The following PPM1K variants were observed in gnomAD, a reference collection of about 807,000 sequenced individuals.
PPM1K encodes protein phosphatase, Mg2+/Mn2+ dependent 1K.
Under a neutral mutation model 32.6 loss-of-function variants are expected in PPM1K, and 19 were observed. The ratio of observed to expected loss-of-function variants is 0.58; its 90% CI spans 0.41 to 0.86. PPM1K has a LOEUF of 0.86. PPM1K is among the 40% of genes least tolerant of loss of function. The pLI is 0.00. For synonymous variants in PPM1K, 159 were observed against 165.3 expected (o/e 0.96, Z 0.29); for missense variants, 362 against 461.2 (o/e 0.78, Z 1.97).
chr4:88,274,776 A>G, intron 3 of PPM1K: 1 of 152,850 alleles, frequency 6.5e-6, no homozygotes, highest in East Asian at 1.9e-4. Flanking sequence ...ATGGCATTCT[A>G]TCTTTAGTGG....
In PPM1K at chr4:88,278,712, CAGAGAG is replaced by C; in HGVS notation, c.-59-76_-59-71del. On this transcript the variant is annotated intron_variant, in intron 1 of 6. Coordinates refer to ENST00000608933, the MANE Select transcript of PPM1K (RefSeq NM_152542.5). The surrounding 1 kb of genome is among the most constrained non-coding windows in gnomAD (Gnocchi z 4.2). ...GGGCAGAGGAGGAGAGGGAGAGAGA[CAGAGAG>C]AGAGAGACCATCAGAAATTTTGAAT... 1.4e-6 allele frequency: 1 copy of C among 692,518 alleles called. No individual in the cohort carries two copies. 42.9% of individuals were successfully genotyped at this position (692,518 alleles called of 1,614,324 possible).
intron 1 of PPM1K, among the ~76,000 whole-genome samples, chr4:88,282,037 G>A (rs192357224): frequency 1.6e-3 from 245 of 152,046 alleles, no homozygotes; most frequent in African/African-American, 5.6e-3. Flanking sequence ...AACACCTAAG[G>A]ATTGTCTTTT....
rs1731040562 is a variant in PPM1K, at chr4:88,259,417, C to T, written c.*3178G>A. 1 of 152,042 alleles carries T rather than the reference C, an allele frequency of 6.6e-6. No individual in the cohort carries two copies. Among genetic ancestry groups the T allele is most frequent in the Non-Finnish European group, 1.5e-5 (1 of 68,002 alleles). 9.4% of individuals were successfully genotyped at this position (152,042 alleles called of 1,614,324 possible). A position where few individuals can be genotyped will look rare whatever the true frequency, so the allele number is the denominator to read the frequency against. ...GAATATTTCACCAAATAGATGGTGGCAAATAGTTTGGCAACACATATTAGA... is the reference window on the plus strand; with the variant it reads ...GAATATTTCACCAAATAGATGGTGGTAAATAGTTTGGCAACACATATTAGA... On this transcript the variant is annotated 3_prime_UTR_variant, in exon 7 of 7. Transcript: ENST00000608933.
At chr4:88,266,749 T>C (rs1254570323) in intron 5 of PPM1K, among the ~76,000 whole-genome samples, 1 of 149,402 alleles carries the variant, frequency 6.7e-6, no homozygotes, top group Non-Finnish European at 1.5e-5. Flanking sequence ...TGATGCTGGC[T>C]GACTGGATGC....
chr4:88,277,471 G>A, intron 2 of PPM1K: 1 of 457,108 alleles, frequency 2.2e-6, no homozygotes, highest in Non-Finnish European at 3.9e-6. Context: ...TGTCCTTGAA[G>A]AATTGATCCT....
At position 88,260,794 on chromosome 4, in the gene PPM1K, A is replaced by G. The variant is rs1047040747; in HGVS notation, c.*1801T>C. The G allele has an allele frequency of 2.0e-5, 3 of 151,966 alleles. No homozygotes were observed. Among genetic ancestry groups the G allele is most frequent in the Admixed American group, 6.6e-5 (1 of 15,252 alleles). 9.4% of individuals were successfully genotyped at this position (151,966 alleles called of 1,614,324 possible). A position where few individuals can be genotyped will look rare whatever the true frequency, so the allele number is the denominator to read the frequency against. ...AAAAGTCAACTCAAAACACAGTTGA[A>G]GGTATATACTACATCAACTTTTTCT... On this transcript the variant is annotated 3_prime_UTR_variant, in exon 7 of 7. Transcript: ENST00000608933.
intron 6 of PPM1K, among the ~76,000 whole-genome samples, chr4:88,263,063 T>C (rs1168009713): frequency 1.3e-5 from 2 of 152,188 alleles, no homozygotes; most frequent in African/African-American, 4.8e-5. Flanking sequence ...GCATTCAGCG[T>C]AGGGAGTAAC....
chr4:88,270,966 C>G, intron 3 of PPM1K: 1 of 359,342 alleles, frequency 2.8e-6, no homozygotes, highest in South Asian at 2.3e-5. Context: ...AACTAGAAAA[C>G]TAAGACATCT....
intron 3 of PPM1K, chr4:88,270,905 A>G (rs1013976334): frequency 1.4e-5 from 4 of 288,500 alleles, no homozygotes; most frequent in Non-Finnish European, 2.8e-5. Context: ...ATTCATTTTC[A>G]TTTAACATTT....
At chr4:88,264,919 C>A in intron 6 of PPM1K, 82 bp downstream of exon 6, 2 of 1,397,794 alleles carry the variant, frequency 1.4e-6, no homozygotes, top group Non-Finnish European at 1.9e-6. Context: ...TTCACTGCAA[C>A]ACTCAAAAGC....
At chr4:88,272,927 A>G (rs1319169055) in intron 3 of PPM1K, among the ~76,000 whole-genome samples, 2 of 152,186 alleles carry the variant, frequency 1.3e-5, no homozygotes, top group African/African-American at 4.8e-5. Context: ...TGTGGTTGGC[A>G]TCGTCTCATT....
chr4:88,267,532 CA>C (rs1731385905), intron 5 of PPM1K, among the ~76,000 whole-genome samples: 1 of 152,186 alleles, frequency 6.6e-6, no homozygotes, highest in Admixed American at 6.5e-5. Context: ...TGAGGGAAGC[CA>C]AAATATTTCT....
At position 88,278,053 on chromosome 4, in the gene PPM1K, A is replaced by G. The variant is rs1055471413; in HGVS notation, c.440+91T>C. ...GCAGCATGCAACCACTCAAGTAACTATGTTTACGCTGGAAGCCTCAGCCAA... is the reference window on the plus strand; with the variant it reads ...GCAGCATGCAACCACTCAAGTAACTGTGTTTACGCTGGAAGCCTCAGCCAA... On this transcript the variant is annotated intron_variant, in intron 2 of 6. Coordinates refer to ENST00000608933, the MANE Select transcript of PPM1K (RefSeq NM_152542.5). This position sits in a 1 kb window ranked among gnomAD's most constrained non-coding sequence, Gnocchi z 4.2. The G allele has an allele frequency of 2.9e-6, 3 of 1,029,454 alleles. No homozygotes were observed. In the African/African-American group the frequency reaches 4.8e-5, roughly 16 times the overall value. The allele number at this position is 1,029,454 out of a possible 1,614,324, so 63.8% of individuals were successfully genotyped here.
At chr4:88,272,507 T>C (rs1262973979) in intron 3 of PPM1K, among the ~76,000 whole-genome samples, 1 of 152,228 alleles carries the variant, frequency 6.6e-6, no homozygotes, top group Non-Finnish European at 1.5e-5. Flanking sequence ...TTATAGGAAA[T>C]ATAGAATTAT....
At chr4:88,264,955 T>G in intron 6 of PPM1K, 46 bp downstream of exon 6, 3 of 1,604,296 alleles carry the variant, frequency 1.9e-6, no homozygotes, top group Non-Finnish European at 2.6e-6. Flanking sequence ...GGACTGTCCT[T>G]TCCTTCCTTC....
In PPM1K at chr4:88,278,444, C is replaced by G; in HGVS notation, c.140G>C (p.Cys47Ser). The G allele has an allele frequency of 6.2e-7, 1 of 1,614,214 alleles. No individual in the cohort carries two copies. Among genetic ancestry groups the G allele is most frequent in the South Asian group, 1.1e-5 (1 of 91,080 alleles). ...ACTACCATCTGGGTCAAACCGAGAA[C>G]ACCTAGGCTCTGAAGTGGAGCTGTG... is the stretch of plus-strand genomic sequence containing the variant. The part of the protein sequence containing the change: ...TCHSSTSEPR[C>S]SRFDPDGSGS... The change falls in exon 2 of 7, where the codon TGT becomes TCT. Residue 47 changes from cysteine to serine, a missense_variant. Physicochemically the swap from Cys to Ser is moderately radical, Grantham distance 112 (BLOSUM62 -1). Transcript: ENST00000608933. The surrounding 1 kb of genome is among the most constrained non-coding windows in gnomAD (Gnocchi z 4.2).
intron 1 of PPM1K, among the ~76,000 whole-genome samples, chr4:88,282,595 C>T (rs535290024): frequency 1.3e-5 from 2 of 152,306 alleles, no homozygotes; most frequent in African/African-American, 4.8e-5. Context: ...CCAATACCTT[C>T]TTTCTCAATA....
chr4:88,278,456 G>T lies in PPM1K; in HGVS notation c.128C>A (p.Ser43Ter). ...RVTPTCHSST[S>*]EPRCSRFDPD... Reference sequence around the variant, plus strand: ...GTCAAACCGAGAACACCTAGGCTCTGAAGTGGAGCTGTGGCACGTGGGTGT... The same window carrying T: ...GTCAAACCGAGAACACCTAGGCTCTTAAGTGGAGCTGTGGCACGTGGGTGT... The change falls in exon 2 of 7, where the codon TCA becomes TAA. Residue 43 changes from serine to a stop codon, truncating the protein, a stop_gained. Coordinates refer to ENST00000608933, the MANE Select transcript of PPM1K (RefSeq NM_152542.5). LOFTEE classifies it high-confidence loss of function. The surrounding 1 kb of genome is among the most constrained non-coding windows in gnomAD (Gnocchi z 4.2). 6.2e-7 allele frequency: 1 copy of T among 1,614,202 alleles called. No individual in the cohort carries two copies. Among genetic ancestry groups the T allele is most frequent in the Non-Finnish European group, 8.5e-7 (1 of 1,180,040 alleles).
chr4:88,268,415 G>T (rs1189181919), intron 4 of PPM1K, 81 bp from the exon 5 acceptor site: 2 of 1,482,648 alleles, frequency 1.3e-6, no homozygotes, highest in Non-Finnish European at 1.9e-6. Context: ...GAGGTCAGGA[G>T]ATCGAGACCA....
Sources: gnomAD v4.1 joint callset for allele counts (sites outside exome capture counted in the v4.1 genomes callset) on GRCh38, gnomAD v4.1.1 for gene constraint, Gnocchi (gnomAD v3.1) non-coding constraint, MANE v1.5 for transcripts, NCBI Gene and HGNC (gene_info 2026-07-23, HGNC 2026-07-21) for gene names.